The following DCC variants were observed in gnomAD, a reference collection of about 807,000 sequenced individuals.
DCC encodes the protein netrin receptor DCC.
A neutral mutation model predicts 172.5 loss-of-function variants in DCC; 58 were observed. The ratio of observed to expected loss-of-function variants is 0.34; its 90% CI spans 0.27 to 0.42. The LOEUF (loss-of-function observed/expected upper bound fraction) is 0.42, where lower values mean the gene tolerates loss of function less well. Ranked by LOEUF, DCC falls within the 10% of genes least tolerant of loss-of-function variation. DCC has a pLI of 1.00. For synonymous variants in DCC, 709 were observed against 644.5 expected (o/e 1.10, Z -1.52); for missense variants, 1,740 against 1,791.0 (o/e 0.97, Z 0.51).
intron 5 of DCC, among the ~76,000 whole-genome samples, chr18:53,038,044 C>G (rs115713331): frequency 6.6e-6 from 1 of 151,830 alleles, no homozygotes; most frequent in Non-Finnish European, 1.5e-5. Flanking sequence ...AATGCAAAAC[C>G]AACAGGTACA....
chr18:52,832,520 C>T (rs1419879310), intron 2 of DCC, among the ~76,000 whole-genome samples: 2 of 152,110 alleles, frequency 1.3e-5, no homozygotes, highest in African/African-American at 2.4e-5. Flanking sequence ...CTTCCGTGGA[C>T]TCGTTTAAGA....
At chr18:52,861,203 G>C (rs1334203468) in intron 2 of DCC, among the ~76,000 whole-genome samples, 1 of 152,010 alleles carries the variant, frequency 6.6e-6, no homozygotes, top group Non-Finnish European at 1.5e-5. Context: ...AGGTTCCTGG[G>C]CCTGTCAGAA....
intron 5 of DCC, among the ~76,000 whole-genome samples, chr18:52,985,288 G>A (rs749853636): frequency 3.3e-5 from 5 of 151,670 alleles, no homozygotes; most frequent in Non-Finnish European, 4.4e-5. Flanking sequence ...TTGAAAAAAT[G>A]TTTGAGTCCT....
At chr18:53,354,690 T>C (rs943716518) in intron 15 of DCC, among the ~76,000 whole-genome samples, 1 of 151,996 alleles carries the variant, frequency 6.6e-6, no homozygotes, top group Non-Finnish European at 1.5e-5. Context: ...TGCAAAAATT[T>C]TCTCCCATTC....
intron 7 of DCC, among the ~76,000 whole-genome samples, chr18:53,110,182 T>C (rs965483040): frequency 4.6e-5 from 7 of 151,710 alleles, no homozygotes; most frequent in African/African-American, 1.4e-4. Context: ...TAAAAAGTAA[T>C]TCTGGAATAA....
chr18:53,463,749 T>C (rs1031214619), intron 24 of DCC, among the ~76,000 whole-genome samples: 3 of 152,194 alleles, frequency 2.0e-5, no homozygotes, highest in African/African-American at 7.2e-5. Context: ...CAAATTAATG[T>C]TTTGTTGATC....
chr18:53,361,847 C>T (rs980365500), intron 15 of DCC, among the ~76,000 whole-genome samples: 2 of 151,974 alleles, frequency 1.3e-5, no homozygotes, highest in East Asian at 3.9e-4. Flanking sequence ...AAATGTAGAG[C>T]CTGGAATTTT....
intron 2 of DCC, among the ~76,000 whole-genome samples, chr18:52,889,945 G>GT (rs1167354274): frequency 1.3e-5 from 2 of 152,064 alleles, no homozygotes; most frequent in African/African-American, 4.8e-5. Context: ...GTTAATTGGT[G>GT]TTTTTACTAT....
At chr18:53,105,424 T>G (rs2043230978) in intron 7 of DCC, among the ~76,000 whole-genome samples, 1 of 152,028 alleles carries the variant, frequency 6.6e-6, no homozygotes, top group African/African-American at 2.4e-5. Flanking sequence ...TAGCCCCAAA[T>G]TTACAAACAT....
At chr18:52,360,491 G>A (rs115245103) in intron 1 of DCC, among the ~76,000 whole-genome samples, 119 of 152,284 alleles carry the variant, frequency 7.8e-4, no homozygotes, top group African/African-American at 2.6e-3. Flanking sequence ...CCAACAAAGT[G>A]CTGTGCTATG....
At chr18:53,279,367 A>G (rs2056841376) in intron 12 of DCC, among the ~76,000 whole-genome samples, 1 of 151,784 alleles carries the variant, frequency 6.6e-6, no homozygotes, top group Non-Finnish European at 1.5e-5. Flanking sequence ...TGAAGCTGGA[A>G]ACCATCATTC....
At chr18:53,414,538 G>A (rs192419883) in intron 20 of DCC, among the ~76,000 whole-genome samples, 37 of 152,088 alleles carry the variant, frequency 2.4e-4, no homozygotes, top group Non-Finnish European at 1.5e-4. Flanking sequence ...TTAAAATAAC[G>A]CTTATAGAAT....
chr18:52,530,265 G>A (rs1381919872), intron 1 of DCC, among the ~76,000 whole-genome samples: 3 of 152,058 alleles, frequency 2.0e-5, no homozygotes, highest in Admixed American at 1.3e-4. Context: ...AAACACACAC[G>A]AGCTGAGGCA....
chr18:53,064,742 C>A (rs1272898877), intron 6 of DCC, among the ~76,000 whole-genome samples: 1 of 152,074 alleles, frequency 6.6e-6, no homozygotes, highest in Non-Finnish European at 1.5e-5. Context: ...AAAATTTTAA[C>A]TTTTAAATGC....
At chr18:53,320,364 G>A (rs934730679) in intron 13 of DCC, among the ~76,000 whole-genome samples, 6 of 152,100 alleles carry the variant, frequency 3.9e-5, no homozygotes, top group Non-Finnish European at 8.8e-5. Flanking sequence ...GAGCCACCGC[G>A]CCCGGCCAAG....
At position 53,273,497 on chromosome 18, in the gene DCC, G is replaced by A. The variant is rs190997279; in HGVS notation, c.1912-32081G>A. Among the ~76,000 whole-genome samples the A allele has an allele frequency of 3.9e-5, 6 of 152,024 alleles. No individual in the cohort carries two copies. In the East Asian group the frequency reaches 5.8e-4, roughly 15 times the overall value. The stretch of plus-strand genomic sequence containing the variant: ...AGAACATATATCATTAAAATCCTTT[G>A]AAAAAACAAATTATCCAATTCATAG... On this transcript the variant is annotated intron_variant, in intron 12 of 28. Coordinates refer to ENST00000442544, the MANE Select transcript of DCC (RefSeq NM_005215.4).
chr18:53,184,980 T>C (rs1378461012), intron 9 of DCC, among the ~76,000 whole-genome samples: 1 of 152,196 alleles, frequency 6.6e-6, no homozygotes, highest in African/African-American at 2.4e-5. Context: ...GTGACCACTA[T>C]GGCAAACCTG....
At chr18:52,631,521 TG>T (rs1373714978) in intron 1 of DCC, among the ~76,000 whole-genome samples, 1 of 152,162 alleles carries the variant, frequency 6.6e-6, no homozygotes, top group Non-Finnish European at 1.5e-5. Context: ...GAATCTTAAC[TG>T]GGGGGAAAAT....
chr18:52,929,015 G>A (rs1356158777), intron 5 of DCC, among the ~76,000 whole-genome samples: 2 of 152,074 alleles, frequency 1.3e-5, no homozygotes, highest in Non-Finnish European at 2.9e-5. Flanking sequence ...GGCTCATTAA[G>A]TTATCTGTCA....
Sources: gnomAD v4.1 joint callset for allele counts (sites outside exome capture counted in the v4.1 genomes callset) on GRCh38, gnomAD v4.1.1 for gene constraint, MANE v1.5 for transcripts, NCBI Gene and HGNC (gene_info 2026-07-23, HGNC 2026-07-21) for gene names.